SIK3: variants seen among roughly 807,000 people sequenced by gnomAD.
SIK3 encodes the protein SIK family kinase 3.
A neutral mutation model predicts 144.2 loss-of-function variants in SIK3; 28 were observed. The observed-to-expected ratio is 0.19, with a 90% CI of 0.14 to 0.27. SIK3 has a LOEUF of 0.27. SIK3 is among the 10% of genes least tolerant of loss of function. The pLI, the probability that SIK3 is intolerant of heterozygous loss-of-function variation, is 1.00. For synonymous variants in SIK3, 686 were observed against 676.3 expected (o/e 1.01, Z -0.22); for missense variants, 1,319 against 1,776.0 (o/e 0.74, Z 4.62).
intron 6 of SIK3, among the ~76,000 whole-genome samples, chr11:116,881,271 CCAGAGAAG>C (rs2134614682): frequency 6.6e-6 from 1 of 150,850 alleles, no homozygotes; most frequent in African/African-American, 2.5e-5. Context: ...CTTGTGTGTG[CCAGAGAAG>C]CAGCTTCCCT....
At chr11:117,087,872 G>A (rs1407406938) in intron 1 of SIK3, among the ~76,000 whole-genome samples, 2 of 152,132 alleles carry the variant, frequency 1.3e-5, no homozygotes, top group African/African-American at 2.4e-5. Context: ...AATTTGTAAA[G>A]TGAAAAACTA....
At chr11:116,868,189 T>G in intron 14 of SIK3, 100 bp from the exon 15 acceptor site, 1 of 1,454,824 alleles carries the variant, frequency 6.9e-7, no homozygotes, top group Non-Finnish European at 9.4e-7. Context: ...AATGAAATAG[T>G]GCCAGAGCTC....
At chr11:116,888,824 T>A (rs1944956988) in intron 6 of SIK3, among the ~76,000 whole-genome samples, 1 of 152,246 alleles carries the variant, frequency 6.6e-6, no homozygotes, top group African/African-American at 2.4e-5. Flanking sequence ...TTAACTAACA[T>A]CATATTACAA....
intron 1 of SIK3, among the ~76,000 whole-genome samples, chr11:117,025,486 C>T (rs1277559614): frequency 6.6e-6 from 1 of 152,066 alleles, no homozygotes; most frequent in African/African-American, 2.4e-5. Context: ...CGTTCTGTCA[C>T]CCAGGCTAGA....
intron 1 of SIK3, among the ~76,000 whole-genome samples, chr11:117,075,661 C>T (rs1201065291): frequency 6.6e-6 from 1 of 150,794 alleles, no homozygotes; most frequent in East Asian, 1.9e-4. Flanking sequence ...CCTGCTTCAG[C>T]CTCCCAAGGA....
At chr11:117,097,370 A>G (rs190303718) in intron 1 of SIK3, among the ~76,000 whole-genome samples, 207 of 151,888 alleles carry the variant, frequency 1.4e-3, no homozygotes, top group African/African-American at 4.8e-3. Context: ...AATAACCAGC[A>G]ATCAGCTCTC....
At chr11:117,020,707 C>G (rs137858457) in intron 1 of SIK3, among the ~76,000 whole-genome samples, 1 of 152,252 alleles carries the variant, frequency 6.6e-6, no homozygotes, top group African/African-American at 2.4e-5. Flanking sequence ...GTGAGGCACC[C>G]CAGCTCTACC....
intron 1 of SIK3, among the ~76,000 whole-genome samples, chr11:117,064,119 T>C (rs1342536221): frequency 6.6e-6 from 1 of 152,172 alleles, no homozygotes; most frequent in Non-Finnish European, 1.5e-5. Flanking sequence ...AGGTCAAAAC[T>C]AAGGTCAACA....
At chr11:116,994,280 T>C (rs1355963521) in intron 1 of SIK3, among the ~76,000 whole-genome samples, 3 of 152,210 alleles carry the variant, frequency 2.0e-5, no homozygotes, top group Admixed American at 1.3e-4. Context: ...CTAAGATCAC[T>C]AAGCCACATT....
At chr11:117,045,087 A>T (rs1952900363) in intron 1 of SIK3, among the ~76,000 whole-genome samples, 1 of 152,154 alleles carries the variant, frequency 6.6e-6, no homozygotes, top group Admixed American at 6.6e-5. Flanking sequence ...TCACAAGCTA[A>T]TTTCACTCAT....
At chr11:116,870,603 C>T (rs1943917697) in intron 13 of SIK3, among the ~76,000 whole-genome samples, 1 of 152,136 alleles carries the variant, frequency 6.6e-6, no homozygotes, top group Non-Finnish European at 1.5e-5. Flanking sequence ...GAATTTCTTC[C>T]TCTTATTTAT....
chr11:116,911,527 C>A (rs1231143807), intron 4 of SIK3, among the ~76,000 whole-genome samples: 1 of 151,740 alleles, frequency 6.6e-6, no homozygotes, highest in African/African-American at 2.4e-5. Context: ...AAAATGATGA[C>A]TATATGGAGC....
intron 1 of SIK3, among the ~76,000 whole-genome samples, chr11:117,004,145 T>C (rs1219855930): frequency 1.3e-5 from 2 of 152,214 alleles, no homozygotes; most frequent in Non-Finnish European, 2.9e-5. Context: ...TTAACTTGTC[T>C]GAACTAAGAC....
intron 1 of SIK3, among the ~76,000 whole-genome samples, chr11:117,037,622 T>C (rs906346943): frequency 1.3e-5 from 2 of 152,174 alleles, no homozygotes; most frequent in Non-Finnish European, 2.9e-5. Context: ...CTGTCTTCAT[T>C]GTCCTGACTC....
Position 117,034,636 on chromosome 11 carries a change from C to T in SIK3, c.273+63507G>A, listed in dbSNP as rs979691756. Among the ~76,000 whole-genome samples, 9 of 152,286 alleles carry T rather than the reference C, an allele frequency of 5.9e-5. 1 individual carries two copies. Among genetic ancestry groups the T allele is most frequent in the Middle Eastern group, 3.4e-3 (1 of 294 alleles). On this transcript the variant is annotated intron_variant, in intron 1 of 24. Coordinates refer to ENST00000445177, the MANE Select transcript of SIK3 (RefSeq NM_001366686.3). ...CTAAATGTAGTAATGTATAAGTAAT[C>T]ATGCCATGCTCCACAGACAAGCAAG... is the stretch of plus-strand genomic sequence containing the variant.
chr11:116,899,103 A>G (rs546974038), intron 4 of SIK3, among the ~76,000 whole-genome samples: 2 of 152,262 alleles, frequency 1.3e-5, no homozygotes, highest in East Asian at 3.9e-4. Flanking sequence ...TTATGGTTTT[A>G]GGTCTAAGGT....
chr11:116,976,636 T>C (rs139818219), intron 1 of SIK3, among the ~76,000 whole-genome samples: 151 of 152,370 alleles, frequency 9.9e-4, no homozygotes, highest in African/African-American at 3.4e-3. Context: ...ATTCCAGATA[T>C]TGATAGTTAT....
intron 1 of SIK3, among the ~76,000 whole-genome samples, chr11:117,001,371 C>T (rs577565838): frequency 3.3e-4 from 50 of 152,164 alleles, no homozygotes; most frequent in African/African-American, 1.2e-3. Context: ...CCAGGCATGG[C>T]GGTGTGCACC....
intron 1 of SIK3, among the ~76,000 whole-genome samples, chr11:117,048,549 G>A (rs1051235354): frequency 2.6e-5 from 4 of 152,076 alleles, no homozygotes; most frequent in South Asian, 2.1e-4. Context: ...CCAGCTACTC[G>A]GGAGGCCGAG....
Sources: gnomAD v4.1 joint callset for allele counts (sites outside exome capture counted in the v4.1 genomes callset) on GRCh38, gnomAD v4.1.1 for gene constraint, MANE v1.5 for transcripts, NCBI Gene and HGNC (gene_info 2026-07-23, HGNC 2026-07-21) for gene names.